The following CSGALNACT1 variants were observed in gnomAD, a reference collection of about 807,000 sequenced individuals.
CSGALNACT1 encodes beta4GalNAcT-1.
In CSGALNACT1, 52 loss-of-function variants were observed where a neutral mutation model predicts 51.0. The observed-to-expected ratio is 1.02, with a 90% CI of 0.82 to 1.29. The LOEUF (loss-of-function observed/expected upper bound fraction) is 1.29, where lower values mean the gene tolerates loss of function less well. Among genes scored for constraint, CSGALNACT1 ranks in the 50% most tolerant of loss-of-function variants. The probability of loss-of-function intolerance (pLI) is 0.00; values close to 1 mark genes in which losing one functional copy is unlikely to be tolerated. For synonymous variants in CSGALNACT1, 341 were observed against 254.4 expected (o/e 1.34, Z -3.24); for missense variants, 935 against 679.2 (o/e 1.38, Z -4.19).
intron 4 of CSGALNACT1, among the ~76,000 whole-genome samples, chr8:19,459,334 G>A: frequency 7.6e-6 from 1 of 130,778 alleles, no homozygotes; most frequent in South Asian, 2.6e-4. Flanking sequence ...AGTGAGCCAA[G>A]TTTGTACCAC....
chr8:19,512,021 C>T (rs1453504748), intron 3 of CSGALNACT1, among the ~76,000 whole-genome samples: 2 of 152,210 alleles, frequency 1.3e-5, no homozygotes, highest in Non-Finnish European at 2.9e-5. Context: ...TCCCTCAATA[C>T]TGGGGATTAC....
chr8:19,732,227 TTAAC>T (rs2063731711), intron 1 of CSGALNACT1, among the ~76,000 whole-genome samples: 1 of 152,216 alleles, frequency 6.6e-6, no homozygotes, highest in Admixed American at 6.5e-5. Flanking sequence ...TTGATGAACA[TTAAC>T]TAACAAGAAA....
rs759769904 is a variant in CSGALNACT1, at chr8:19,443,731, T to C, written c.852-3800A>G. ...TCAAGCTGAGATGTGGGTGGGGATATAGCTAAACCATATTACTATCCATGA... is the reference window on the plus strand; with the variant it reads ...TCAAGCTGAGATGTGGGTGGGGATACAGCTAAACCATATTACTATCCATGA... On this transcript the variant is annotated intron_variant, in intron 5 of 9. Coordinates refer to ENST00000454498, the Ensembl canonical transcript of CSGALNACT1. Among the ~76,000 whole-genome samples, 11 of 152,168 alleles carry C rather than the reference T, an allele frequency of 7.2e-5. No homozygotes were observed. In the East Asian group the frequency reaches 7.7e-4, roughly 11 times the overall value.
intron 4 of CSGALNACT1, among the ~76,000 whole-genome samples, chr8:19,498,878 C>T (rs574055498): frequency 6.6e-6 from 1 of 152,306 alleles, no homozygotes; most frequent in South Asian, 2.1e-4. Context: ...CTTTGGGATG[C>T]CAAGGTGGGA....
At chr8:19,688,654 C>T (rs2061115986) in intron 1 of CSGALNACT1, 1 of 152,182 alleles carries the variant, frequency 6.6e-6, no homozygotes, top group African/African-American at 2.4e-5. Context: ...AAAGAAAAAG[C>T]TGATAAAATA....
chr8:19,678,766 C>T (rs1046462964), intron 1 of CSGALNACT1: 3 of 152,104 alleles, frequency 2.0e-5, no homozygotes, highest in Admixed American at 6.6e-5. Flanking sequence ...GAAACAGATT[C>T]GTCTGGAGTA....
rs2057181690 is a variant in CSGALNACT1 at position 19,417,838 on chromosome 8, T to C, written c.1227+818A>G. ...GAAGGGCCTTTTCCCTCTCTGCCAA[T>C]GCTGTCAACAATACCGGGAAATTCC... On this transcript the variant is annotated intron_variant, in intron 8 of 9. Transcript: ENST00000454498. 2.0e-5 allele frequency among the ~76,000 whole-genome samples: 3 copies of C among 152,174 alleles called. No individual in the cohort carries two copies. In the South Asian group the frequency reaches 6.2e-4, roughly 32 times the overall value.
intron 3 of CSGALNACT1, among the ~76,000 whole-genome samples, chr8:19,527,647 T>A (rs1039600472): frequency 6.6e-6 from 1 of 152,108 alleles, no homozygotes; most frequent in African/African-American, 2.4e-5. Context: ...CTGGTAGAAG[T>A]AACTGAGTGG....
At chr8:19,681,619 T>C (rs1184478443) in intron 1 of CSGALNACT1, among the ~76,000 whole-genome samples, 1 of 152,164 alleles carries the variant, frequency 6.6e-6, no homozygotes, top group East Asian at 1.9e-4. Context: ...AACCATAATT[T>C]GGTACGTCCA....
intron 1 of CSGALNACT1, among the ~76,000 whole-genome samples, chr8:19,667,068 A>C (rs997525718): frequency 1.6e-5 from 2 of 123,744 alleles, no homozygotes; most frequent in Admixed American, 8.4e-5. Flanking sequence ...AGAAAGAAAG[A>C]AAGAAAGAAA....
At chr8:19,488,065 GGGGGCT>G (rs2073413839) in intron 4 of CSGALNACT1, among the ~76,000 whole-genome samples, 2 of 152,056 alleles carry the variant, frequency 1.3e-5, no homozygotes, top group African/African-American at 4.8e-5. Flanking sequence ...TATTAGTACA[GGGGGCT>G]GGGCTCAGTG....
intron 1 of CSGALNACT1, among the ~76,000 whole-genome samples, chr8:19,624,847 T>C (rs1209778443): frequency 6.6e-6 from 1 of 151,936 alleles, no homozygotes; most frequent in Non-Finnish European, 1.5e-5. Context: ...CCCAGCTAAT[T>C]TTTCTATTTT....
At chr8:19,574,907 T>C (rs1043557131) in intron 3 of CSGALNACT1, among the ~76,000 whole-genome samples, 1 of 151,926 alleles carries the variant, frequency 6.6e-6, no homozygotes. Context: ...TGGTAGCGGG[T>C]ACCTGTAGTC....
chr8:19,742,953 G>A (rs1282425267), intron 1 of CSGALNACT1, among the ~76,000 whole-genome samples: 1 of 152,188 alleles, frequency 6.6e-6, no homozygotes, highest in African/African-American at 2.4e-5. Flanking sequence ...CTTCTGTGGT[G>A]CAGAAACACT....
intron 3 of CSGALNACT1, among the ~76,000 whole-genome samples, chr8:19,516,992 G>A (rs967558799): frequency 3.3e-5 from 5 of 152,252 alleles, no homozygotes; most frequent in Admixed American, 3.3e-4. Flanking sequence ...CCCACCTGGA[G>A]AGGTGGTTGG....
intron 6 of CSGALNACT1, among the ~76,000 whole-genome samples, chr8:19,425,276 G>A (rs557886823): frequency 6.6e-6 from 1 of 152,186 alleles, no homozygotes; most frequent in Non-Finnish European, 1.5e-5. Flanking sequence ...GGGAAATGGA[G>A]GTTGCTGTGA....
rs141979186 is a variant in CSGALNACT1 at position 19,493,922 on chromosome 8, G to A, written c.634+11279C>T. 4.6e-5 allele frequency among the ~76,000 whole-genome samples: 7 copies of A among 151,356 alleles called. No individual in the cohort carries two copies. In the East Asian group the frequency reaches 1.4e-3, roughly 30 times the overall value. On this transcript the variant is annotated intron_variant, in intron 4 of 9. Transcript: ENST00000454498. ...CACACACACATCTAGGAGTGGAACT[G>A]CAGGTCACATGGCTACTCTGTGTTT...
intron 3 of CSGALNACT1, among the ~76,000 whole-genome samples, chr8:19,561,367 A>G (rs113941954): frequency 1.8e-4 from 27 of 152,342 alleles, no homozygotes; most frequent in South Asian, 6.2e-4. Context: ...TGATTTGGAC[A>G]TAGGTTGGAT....
At chr8:19,467,877 T>C (rs937603352) in intron 4 of CSGALNACT1, among the ~76,000 whole-genome samples, 13 of 152,096 alleles carry the variant, frequency 8.5e-5, no homozygotes, top group Admixed American at 2.0e-4. Context: ...TCCCAGATAG[T>C]CAGGAGGCTG....
Sources: allele counts gnomAD v4.1 joint callset (sites outside exome capture counted in the v4.1 genomes callset), GRCh38; gene constraint gnomAD v4.1.1; transcripts MANE v1.5; gene names NCBI Gene and HGNC (gene_info 2026-07-23, HGNC 2026-07-21).